The following CCDC47 variants were observed in gnomAD, a reference collection of about 807,000 sequenced individuals.
The protein encoded by CCDC47 is coiled-coil domain containing 47.
Under a neutral mutation model 60.5 loss-of-function variants are expected in CCDC47, and 41 were observed. The ratio of observed to expected loss-of-function variants is 0.68; its 90% CI spans 0.53 to 0.88. CCDC47 has a LOEUF of 0.88. Among genes scored for constraint, CCDC47 ranks in the 40% least tolerant of loss-of-function variants. The probability of loss-of-function intolerance (pLI) is 0.00; values close to 1 mark genes in which losing one functional copy is unlikely to be tolerated. For missense variants in CCDC47, 513 were observed against 580.9 expected (o/e 0.88, Z 1.20); for synonymous variants, 195 against 190.7 (o/e 1.02, Z -0.18).
chr17:63,769,240 GCTGT>G (rs1175576787), intron 1 of CCDC47, among the ~76,000 whole-genome samples: 3 of 143,222 alleles, frequency 2.1e-5, no homozygotes, highest in African/African-American at 8.3e-5. Context: ...ACAGAGCAAG[GCTGT>G]CTAAAAGAAA....
At chr17:63,769,188 T>C (rs2039317959) in intron 1 of CCDC47, among the ~76,000 whole-genome samples, 1 of 151,146 alleles carries the variant, frequency 6.6e-6, no homozygotes, top group Non-Finnish European at 1.5e-5. Flanking sequence ...AGGTTGAGGC[T>C]TCAGTGAGCC....
chr17:63,754,440 T>C lies in CCDC47; in HGVS notation c.1027A>G (p.Met343Val), dbSNP rs149910039. The C allele has an allele frequency of 1.3e-6, 2 of 1,592,434 alleles. No homozygotes were observed. The highest frequency in any genetic ancestry group is 1.7e-6 in the Non-Finnish European group (2 of 1,162,476). ...FSDQFSGPKIMQEEGQPLKLP... is the reference protein window; with the variant it reads ...FSDQFSGPKIVQEEGQPLKLP... ...ATTTTATCTTATACGTACTCTTGCA[T>C]AATTTTTGGACCAGAGAACTGGTCT... The change falls in exon 9 of 13, where the codon ATG becomes GTG. Residue 343 changes from methionine (M) to valine (V), a missense_variant. Coordinates refer to ENST00000225726, the MANE Select transcript of CCDC47 (RefSeq NM_020198.3).
chr17:63,768,681 A>G (rs1455423336), intron 1 of CCDC47, among the ~76,000 whole-genome samples: 2 of 152,154 alleles, frequency 1.3e-5, no homozygotes, highest in Non-Finnish European at 2.9e-5. Context: ...GTGACAGTGA[A>G]ACGTGCCTCA....
At chr17:63,772,621 G>T (rs2039356052) in intron 1 of CCDC47, among the ~76,000 whole-genome samples, 1 of 152,112 alleles carries the variant, frequency 6.6e-6, no homozygotes, top group Admixed American at 6.6e-5. Flanking sequence ...CACCGGAACA[G>T]TCAACTCGAT....
At chr17:63,764,926 T>TG in intron 2 of CCDC47, 79 bp from the exon 3 acceptor site, 1 of 1,546,920 alleles carries the variant, frequency 6.5e-7, no homozygotes, top group Non-Finnish European at 8.7e-7. Flanking sequence ...CAACATTTGT[T>TG]GGGGAAAACA....
chr17:63,756,333 A>G lies in CCDC47; in HGVS notation c.855T>C (p.Asp285=). ...EMQDLSEFCS[D]KPKSGAKYGL... ...CATACTTTGCTCCAGACTTAGGTTT[A>G]TCACTACAAAACTCACTCTAGAGGA... The change falls in exon 8 of 13, where the codon GAT becomes GAC. Residue 285 remains aspartate (D), a synonymous_variant. Coordinates refer to ENST00000225726, the MANE Select transcript of CCDC47 (RefSeq NM_020198.3). 6.2e-7 allele frequency: 1 copy of G among 1,614,004 alleles called. No homozygotes were observed. The highest frequency in any genetic ancestry group is 8.5e-7 in the Non-Finnish European group (1 of 1,179,842).
intron 3 of CCDC47, among the ~76,000 whole-genome samples, chr17:63,764,524 G>A (rs2039283523): frequency 1.3e-5 from 2 of 151,524 alleles, no homozygotes; most frequent in South Asian, 4.2e-4. Flanking sequence ...AAAACTAGAA[G>A]TGCTACAATG....
intron 1 of CCDC47, among the ~76,000 whole-genome samples, chr17:63,771,334 G>GTAAA (rs1251638317): frequency 6.6e-6 from 1 of 152,046 alleles, no homozygotes; most frequent in Non-Finnish European, 1.5e-5. Flanking sequence ...TAGGTTATAC[G>GTAAA]TAAATACTAC....
At chr17:63,747,404 C>CT in intron 12 of CCDC47, 2 of 981,692 alleles carry the variant, frequency 2.0e-6, no homozygotes, top group South Asian at 9.4e-5. Flanking sequence ...TTGCAAATTT[C>CT]TTATTAGCAC....
At chr17:63,751,250 C>T (rs1172246265) in intron 12 of CCDC47, among the ~76,000 whole-genome samples, 1 of 150,920 alleles carries the variant, frequency 6.6e-6, no homozygotes, top group Non-Finnish European at 1.5e-5. Context: ...CCTGTAGTCC[C>T]AGCTACTTGG....
At chr17:63,762,951 TC>T (rs2144490961) in intron 4 of CCDC47, among the ~76,000 whole-genome samples, 1 of 152,306 alleles carries the variant, frequency 6.6e-6, no homozygotes, top group Admixed American at 6.5e-5. Flanking sequence ...AAACAGGGTC[TC>T]ATTCTGTCAC....
Position 63,752,812 on chromosome 17 carries a change from A to G in CCDC47, c.1035-13T>C. The stretch of plus-strand genomic sequence containing the variant: ...AGGCTGACCTTCCCTGTCATAAAAG[A>G]AAAGGCAATTAAGAAGGAATACAAG... On this transcript the variant is annotated splice_polypyrimidine_tract_variant and intron_variant, in intron 9 of 12. Coordinates refer to ENST00000225726, the MANE Select transcript of CCDC47 (RefSeq NM_020198.3). The G allele has an allele frequency of 6.2e-7, 1 of 1,609,146 alleles. No homozygotes were observed. Among genetic ancestry groups the G allele is most frequent in the South Asian group, 1.1e-5 (1 of 90,394 alleles).
intron 4 of CCDC47, chr17:63,761,738 T>C (rs2039263212): frequency 1.4e-6 from 1 of 717,908 alleles, no homozygotes; most frequent in African/African-American, 1.9e-5. Context: ...CTCACGTTCC[T>C]CTACCCTGAC....
At chr17:63,769,510 A>G (rs1425415832) in intron 1 of CCDC47, among the ~76,000 whole-genome samples, 1 of 149,222 alleles carries the variant, frequency 6.7e-6, no homozygotes, top group Non-Finnish European at 1.5e-5. Flanking sequence ...GCTACTTGGG[A>G]GGCTGAGGCA....
intron 6 of CCDC47, among the ~76,000 whole-genome samples, chr17:63,758,816 T>C (rs568341745): frequency 6.6e-6 from 1 of 152,216 alleles, no homozygotes. Flanking sequence ...ATGGCAGCTG[T>C]AAAAGAAAAC....
At chr17:63,760,481 A>T (rs993442722) in intron 6 of CCDC47, among the ~76,000 whole-genome samples, 9 of 152,224 alleles carry the variant, frequency 5.9e-5, no homozygotes, top group Non-Finnish European at 1.0e-4. Context: ...TTTTTTGTCA[A>T]GGGACATAAA....
intron 12 of CCDC47, 134 bp downstream of exon 12, chr17:63,751,806 T>A: frequency 1.4e-6 from 1 of 727,448 alleles, no homozygotes; most frequent in Non-Finnish European, 2.3e-6. Flanking sequence ...TATAGTGTTA[T>A]CAATTGATAC....
At chr17:63,758,785 T>C (rs960997643) in intron 6 of CCDC47, among the ~76,000 whole-genome samples, 5 of 152,050 alleles carry the variant, frequency 3.3e-5, no homozygotes, top group South Asian at 2.1e-4. Flanking sequence ...AAAATGTTAA[T>C]ATAGGAAAAG....
chr17:63,763,992 T>G lies in CCDC47; in HGVS notation c.547+24A>C, dbSNP rs776560902. ...ACCAGATTGTTTTCAAGCAAGAAGC[T>G]GGGCTGACATTGGCCTCACTTACCC... On this transcript the variant is annotated intron_variant, in intron 4 of 12. Coordinates refer to ENST00000225726, the MANE Select transcript of CCDC47 (RefSeq NM_020198.3). The G allele has an allele frequency of 8.4e-6, 13 of 1,554,672 alleles. No homozygotes were observed. The South Asian group carries it at 1.6e-4, about 19-fold the overall frequency.
Sources: allele counts gnomAD v4.1 joint callset (sites outside exome capture counted in the v4.1 genomes callset), GRCh38; gene constraint gnomAD v4.1.1; transcripts MANE v1.5; gene names NCBI Gene and HGNC (gene_info 2026-07-23, HGNC 2026-07-21).